The following ACSS2 variants were observed in gnomAD, a reference collection of about 807,000 sequenced individuals.
The protein encoded by ACSS2 is acyl-CoA synthetase short chain family member 2.
In ACSS2, 58 loss-of-function variants were observed where a neutral mutation model predicts 90.6. The observed-to-expected ratio is 0.64, with a 90% CI of 0.52 to 0.80. The LOEUF is 0.80. Among genes scored for constraint, ACSS2 ranks in the 30% least tolerant of loss-of-function variants. ACSS2 has a pLI of 0.00. For synonymous variants in ACSS2, 300 were observed against 330.9 expected (o/e 0.91, Z 1.01); for missense variants, 759 against 912.0 (o/e 0.83, Z 2.16).
intron 1 of ACSS2, 24 bp downstream of exon 1, chr20:34,876,847 TG>T: frequency 7.9e-7 from 1 of 1,267,376 alleles, no homozygotes; most frequent in Non-Finnish European, 9.9e-7. Context: ...CGGGCGGGCC[TG>T]GGGTGTCAGT....
intron 1 of ACSS2, among the ~76,000 whole-genome samples, chr20:34,881,458 A>C (rs922024214): frequency 3.3e-5 from 5 of 152,194 alleles, no homozygotes; most frequent in Non-Finnish European, 7.3e-5. Flanking sequence ...AAATTTGATC[A>C]TGTTACTTGC....
chr20:34,900,175 T>TC (rs1284359407), intron 2 of ACSS2, among the ~76,000 whole-genome samples: 2 of 144,290 alleles, frequency 1.4e-5, no homozygotes, highest in Non-Finnish European at 1.5e-5. Flanking sequence ...CCTTTTTTTT[T>TC]TTTTTTTTTT....
chr20:34,888,341 A>C (rs2080249838), intron 2 of ACSS2, among the ~76,000 whole-genome samples: 1 of 152,100 alleles, frequency 6.6e-6, no homozygotes, highest in Non-Finnish European at 1.5e-5. Flanking sequence ...TATCTCATGG[A>C]GTTGTCAGTT....
At position 34,919,436 on chromosome 20, in the gene ACSS2, T is replaced by A. The variant is rs770905099; in HGVS notation, c.836T>A (p.Ile279Asn). The A allele has an allele frequency of 6.2e-7, 1 of 1,613,766 alleles. No homozygotes were observed. The highest frequency in any genetic ancestry group is 8.5e-7 in the Non-Finnish European group (1 of 1,180,002). Residue 279 changes from isoleucine (I) to asparagine (N), a missense_variant and splice_region_variant, in exon 8 of 18, where the codon ATC (isoleucine) becomes AAC (asparagine). Ile to Asn is a moderately radical substitution (Grantham distance 149, BLOSUM62 -3). Transcript: ENST00000360596. ...PIKRSCPDVQ[I>N]SWNQGIDLWW... is the part of the protein sequence containing the mutation. ...GTTCTTCCCTGCCCATCCCTGCAGA[T>A]CTCATGGAACCAAGGGATTGACTTG... is the stretch of plus-strand genomic sequence containing the variant.
chr20:34,899,415 TTTCTTTCTTTCCTTCCTTCC>T (rs755093977), intron 2 of ACSS2, among the ~76,000 whole-genome samples: 1 of 43,772 alleles, frequency 2.3e-5, no homozygotes, highest in Non-Finnish European at 4.1e-5. Context: ...TCTTTCTTTC[TTTCTTTCTTTCCTTCCTTCC>T]TTCCTTCCTT....
At chr20:34,880,627 C>T (rs192908690) in intron 1 of ACSS2, among the ~76,000 whole-genome samples, 2 of 151,878 alleles carry the variant, frequency 1.3e-5, no homozygotes, top group East Asian at 1.9e-4. Flanking sequence ...AATAAGACTG[C>T]GCCAATTTCT....
chr20:34,909,451 T>C (rs1258050139), intron 2 of ACSS2, among the ~76,000 whole-genome samples: 1 of 152,192 alleles, frequency 6.6e-6, no homozygotes, highest in African/African-American at 2.4e-5. Flanking sequence ...ATTGTTAAAT[T>C]TGAAAAATCA....
chr20:34,897,351 T>C (rs967135761), intron 2 of ACSS2, among the ~76,000 whole-genome samples: 4 of 152,188 alleles, frequency 2.6e-5, no homozygotes, highest in African/African-American at 9.7e-5. Context: ...TAGCAGTCAT[T>C]TTTCATTTTC....
At chr20:34,919,046 A>G (rs1397500337) in intron 7 of ACSS2, among the ~76,000 whole-genome samples, 1 of 152,214 alleles carries the variant, frequency 6.6e-6, no homozygotes, top group Non-Finnish European at 1.5e-5. Context: ...TGTGTGGGAA[A>G]GAAACATGGT....
intron 2 of ACSS2, among the ~76,000 whole-genome samples, chr20:34,891,993 A>G (rs536991799): frequency 1.4e-4 from 22 of 152,322 alleles, no homozygotes; most frequent in African/African-American, 5.1e-4. Context: ...TTCAGTAAAC[A>G]TTTAATGAAA....
In ACSS2 at chr20:34,921,937, G is replaced by A. The variant is rs577530516; in HGVS notation, c.1548+71G>A. The A allele has an allele frequency of 3.9e-5, 60 of 1,548,258 alleles. No individual in the cohort carries two copies. In the African/African-American group the frequency reaches 6.4e-4, roughly 16 times the overall value. On this transcript the variant is annotated intron_variant, in intron 13 of 17. Transcript: ENST00000360596. ...TCTGCCAAGGGTACTTTGCTTTAGA[G>A]TTAATAACCTAATCTCTCCTGGTAG...
At chr20:34,898,902 G>A (rs542488139) in intron 2 of ACSS2, among the ~76,000 whole-genome samples, 3 of 152,324 alleles carry the variant, frequency 2.0e-5, no homozygotes, top group South Asian at 2.1e-4. Flanking sequence ...CGGTGGGGGT[G>A]GGGGAGGCTC....
Position 34,913,511 on chromosome 20 carries a change from T to A in ACSS2, c.570+15T>A, listed in dbSNP as rs2081009428. ...ACTCCATTGTGGTAGGAGTTTGGGC[T>A]GGTGAAAAGGGGCAGGCGGGGGGGT... On this transcript the variant is annotated intron_variant, in intron 4 of 17. Transcript: ENST00000360596. The A allele has an allele frequency of 6.3e-7, 1 of 1,585,052 alleles. No individual in the cohort carries two copies. Among genetic ancestry groups the A allele is most frequent in the East Asian group, 2.3e-5 (1 of 44,100 alleles).
upstream of ACSS2, chr20:34,875,203 G>A (rs577036875): frequency 2.4e-5 from 13 of 533,844 alleles, no homozygotes; most frequent in East Asian, 3.3e-4. Flanking sequence ...AGAAGCTAGA[G>A]GTAATTAAGC....
rs1361473372 is a variant in ACSS2 at position 34,927,865 on chromosome 20, C to T, written c.*651C>T. On this transcript the variant is annotated 3_prime_UTR_variant, in exon 18 of 18. Coordinates refer to ENST00000360596, the MANE Select transcript of ACSS2 (RefSeq NM_018677.4). This position sits in a 1 kb window ranked among gnomAD's most constrained non-coding sequence, Gnocchi z 4.2. ...GTTCCCACCCTCCCCTGAACAGAACCCAGCCCATAAGAGACATTCTCAGAT... is the reference window on the plus strand; with the variant it reads ...GTTCCCACCCTCCCCTGAACAGAACTCAGCCCATAAGAGACATTCTCAGAT... The T allele has an allele frequency of 6.5e-6, 1 of 152,960 alleles. No individual in the cohort carries two copies. The highest frequency in any genetic ancestry group is 2.4e-5 in the African/African-American group (1 of 41,436). 9.5% of individuals were successfully genotyped at this position (152,960 alleles called of 1,614,324 possible). A position where few individuals can be genotyped will look rare whatever the true frequency, so the allele number is the denominator to read the frequency against.
chr20:34,922,002 CT>C, intron 13 of ACSS2, 136 bp downstream of exon 13: 3 of 1,475,272 alleles, frequency 2.0e-6, no homozygotes, highest in Non-Finnish European at 2.7e-6. Context: ...GGTTTGCTCA[CT>C]GAGAGACCCT....
At chr20:34,898,283 C>T (rs1016339833) in intron 2 of ACSS2, among the ~76,000 whole-genome samples, 10 of 152,208 alleles carry the variant, frequency 6.6e-5, no homozygotes, top group African/African-American at 2.4e-4. Flanking sequence ...GCCCCACCCA[C>T]ATCCTGCTGA....
intron 2 of ACSS2, among the ~76,000 whole-genome samples, chr20:34,899,655 A>G (rs1050291111): frequency 6.6e-6 from 1 of 151,430 alleles, no homozygotes; most frequent in Admixed American, 6.6e-5. Context: ...CGCCCGGCTA[A>G]TTTTTGTATT....
intron 2 of ACSS2, among the ~76,000 whole-genome samples, chr20:34,896,857 AC>A (rs2080474243): frequency 6.6e-6 from 1 of 152,142 alleles, no homozygotes. Flanking sequence ...ACATGGTGAA[AC>A]CCTGTCTCTA....
Sources: gnomAD v4.1 joint callset for allele counts (sites outside exome capture counted in the v4.1 genomes callset) on GRCh38, gnomAD v4.1.1 for gene constraint, Gnocchi (gnomAD v3.1) non-coding constraint, MANE v1.5 for transcripts, NCBI Gene and HGNC (gene_info 2026-07-23, HGNC 2026-07-21) for gene names.